Variants in BOC observed in about 807,000 individuals in gnomAD.
The protein encoded by BOC is brother of CDO.
A neutral mutation model predicts 112.0 loss-of-function variants in BOC; 76 were observed. The ratio of observed to expected loss-of-function variants is 0.68; its 90% CI spans 0.56 to 0.82. BOC has a LOEUF of 0.82. Ranked by LOEUF, BOC falls within the 40% of genes least tolerant of loss-of-function variation. BOC has a pLI of 0.00. For missense variants in BOC, 1,309 were observed against 1,511.7 expected (o/e 0.87, Z 2.22); for synonymous variants, 580 against 599.8 (o/e 0.97, Z 0.48).
At chr3:113,264,392 G>A (rs530393310) in intron 4 of BOC, among the ~76,000 whole-genome samples, 4 of 152,332 alleles carry the variant, frequency 2.6e-5, no homozygotes, top group East Asian at 1.9e-4. Context: ...CAGGTGTCCT[G>A]TCAAACCATT....
At chr3:113,258,239 C>G (rs1243205394) in intron 4 of BOC, among the ~76,000 whole-genome samples, 1 of 152,064 alleles carries the variant, frequency 6.6e-6, no homozygotes, top group Non-Finnish European at 1.5e-5. Flanking sequence ...GTATTCAGAC[C>G]TAGGCCCAGT....
At chr3:113,283,749 C>A in intron 16 of BOC, 117 bp downstream of exon 16, 1 of 982,436 alleles carries the variant, frequency 1.0e-6, no homozygotes. Flanking sequence ...CCCCAAAGGT[C>A]TCGGAGGTCA....
chr3:113,266,951 T>G (rs1947551156), intron 4 of BOC, among the ~76,000 whole-genome samples: 1 of 152,202 alleles, frequency 6.6e-6, no homozygotes, highest in Non-Finnish European at 1.5e-5. Context: ...TTTTTGGTCA[T>G]TATCTCTTGT....
intron 7 of BOC, 101 bp from the exon 8 acceptor site, chr3:113,272,968 C>A: frequency 7.0e-7 from 1 of 1,438,106 alleles, no homozygotes; most frequent in Non-Finnish European, 9.4e-7. Flanking sequence ...AAGCAACAGC[C>A]AAAGGGCAGG....
chr3:113,286,555 GT>G, intron 19 of BOC, 119 bp from the exon 20 acceptor site: 2 of 934,860 alleles, frequency 2.1e-6, no homozygotes, highest in East Asian at 5.4e-5. Context: ...GTAGGTTTCT[GT>G]CCCCTTTCCA....
chr3:113,274,551 C>T lies in BOC; in HGVS notation c.1411C>T (p.Pro471Ser), dbSNP rs753107900. ...QCPGEKGQGA[P>S]AEAPIILSSP... ...TCCAGGAGAGAAGGGGCAGGGGGCT[C>T]CCGCCGAGGCTCCCATCATCCTCAG... is the stretch of plus-strand genomic sequence containing the variant. The change falls in exon 9 of 20, where the codon CCC (proline) becomes TCC (serine). Residue 471 changes from proline (P) to serine (S), a missense_variant. Transcript: ENST00000682979. This position sits in a 1 kb window ranked among gnomAD's most constrained non-coding sequence, Gnocchi z 4.8. The T allele has an allele frequency of 3.6e-5, 58 of 1,613,328 alleles. No individual in the cohort carries two copies. The highest frequency in any genetic ancestry group is 4.7e-5 in the Non-Finnish European group (55 of 1,179,928).
chr3:113,282,420 C>T (rs1001731388), intron 15 of BOC, among the ~76,000 whole-genome samples: 24 of 152,072 alleles, frequency 1.6e-4, no homozygotes, highest in African/African-American at 5.6e-4. Flanking sequence ...TAAAAATAAA[C>T]TTCAAGGTTT....
Position 113,212,814 on chromosome 3 carries a change from G to A in BOC, c.-170+798G>A, listed in dbSNP as rs189242391. Reference sequence around the variant, plus strand: ...TTTGTTGATGTAACTGTGAGAAGGTGTGGGAAATGAATCTCTGGAACCAGT... The same window carrying A: ...TTTGTTGATGTAACTGTGAGAAGGTATGGGAAATGAATCTCTGGAACCAGT... On this transcript the variant is annotated intron_variant, in intron 1 of 19. Transcript: ENST00000682979. The A allele has an allele frequency of 2.7e-3, 419 of 152,544 alleles. 1 individual carries two copies. The highest frequency in any genetic ancestry group is 2.9e-3 in the Non-Finnish European group (201 of 68,176). The allele number at this position is 152,544 out of a possible 1,614,324, so 9.4% of individuals were successfully genotyped here.
At chr3:113,273,944 G>A (rs1415138369) in intron 8 of BOC, among the ~76,000 whole-genome samples, 2 of 152,158 alleles carry the variant, frequency 1.3e-5, no homozygotes, top group Admixed American at 6.5e-5. Flanking sequence ...ATTCCCAGTT[G>A]CGTTCATATC....
At chr3:113,251,282 C>A in intron 4 of BOC, 1 of 277,866 alleles carries the variant, frequency 3.6e-6, no homozygotes, top group Non-Finnish European at 6.8e-6. Flanking sequence ...ATGGGCAGGG[C>A]CACGTGTAGT....
intron 4 of BOC, among the ~76,000 whole-genome samples, chr3:113,255,678 T>C (rs1387316569): frequency 6.6e-6 from 1 of 152,124 alleles, no homozygotes; most frequent in East Asian, 1.9e-4. Flanking sequence ...TAAGGCCTCC[T>C]AGCGCCAAGG....
rs1403086058 is a variant in BOC, at chr3:113,284,414, CCCAGGCCA to C, written c.2745_2752del (p.His915GlnfsTer16). On this transcript the variant is annotated frameshift_variant, in exon 17 of 20. Transcript: ENST00000682979. LOFTEE classifies it high-confidence loss of function. ...ATACTATGGTGCCATTGGGAGGACT[CCCAGGCCA>C]CCAGGCCAGTGGACAGCCCTACCTC... 6.2e-7 allele frequency: 1 copy of C among 1,614,252 alleles called. No homozygotes were observed. The highest frequency in any genetic ancestry group is 1.7e-5 in the Admixed American group (1 of 60,032).
At chr3:113,260,747 A>G (rs910836709) in intron 4 of BOC, among the ~76,000 whole-genome samples, 1 of 151,774 alleles carries the variant, frequency 6.6e-6, no homozygotes, top group Non-Finnish European at 1.5e-5. Flanking sequence ...AGAACAGAAC[A>G]GAACAGGTTT....
chr3:113,236,462 A>G (rs1390653861), intron 2 of BOC, among the ~76,000 whole-genome samples: 3 of 142,574 alleles, frequency 2.1e-5, no homozygotes, highest in Non-Finnish European at 3.0e-5. Flanking sequence ...GGAGCTAAAT[A>G]ATGTGTACAC....
chr3:113,284,811 G>C lies in BOC; in HGVS notation c.2919G>C (p.Gln973His), dbSNP rs374883716. Reference sequence around the variant, plus strand: ...GTGACACCAGCAGCCTGCTGAGGCAGACCCATCTTGGCAATGGATATGACC... The same window carrying C: ...GTGACACCAGCAGCCTGCTGAGGCACACCCATCTTGGCAATGGATATGACC... ...QQSDTSSLLR[Q>H]THLGNGYDPQ... The change falls in exon 18 of 20, where the codon CAG becomes CAC. Residue 973 changes from glutamine to histidine, a missense_variant. By Grantham distance (24) the Gln-to-His change is conservative (BLOSUM62 0). Coordinates refer to ENST00000682979, the MANE Select transcript of BOC (RefSeq NM_001378074.1). 3.9e-5 allele frequency: 63 copies of C among 1,614,082 alleles called. No individual in the cohort carries two copies. Among genetic ancestry groups the C allele is most frequent in the Non-Finnish European group, 5.2e-5 (61 of 1,180,044 alleles).
intron 2 of BOC, among the ~76,000 whole-genome samples, chr3:113,228,160 G>A (rs1941980204): frequency 6.6e-6 from 1 of 152,218 alleles, no homozygotes; most frequent in Admixed American, 6.5e-5. Context: ...TGTTCAATAA[G>A]CATTATTGAC....
chr3:113,242,538 C>G (rs147800209), intron 2 of BOC, among the ~76,000 whole-genome samples: 3 of 151,892 alleles, frequency 2.0e-5, no homozygotes, highest in Admixed American at 2.0e-4. Context: ...GGTTCCTCCC[C>G]GAGGAAAGAT....
chr3:113,248,409 G>A (rs1358340390), intron 2 of BOC, among the ~76,000 whole-genome samples: 1 of 152,166 alleles, frequency 6.6e-6, no homozygotes, highest in African/African-American at 2.4e-5. Context: ...GTAAATCTTC[G>A]AGAGAGTCTC....
At chr3:113,217,407 A>G (rs1045229651) in intron 2 of BOC, among the ~76,000 whole-genome samples, 1 of 152,182 alleles carries the variant, frequency 6.6e-6, no homozygotes, top group Non-Finnish European at 1.5e-5. Flanking sequence ...TGCGCCTGTA[A>G]TCCCAGCTCC....
Sources: gnomAD v4.1 joint callset for allele counts (sites outside exome capture counted in the v4.1 genomes callset) on GRCh38, gnomAD v4.1.1 for gene constraint, Gnocchi (gnomAD v3.1) non-coding constraint, MANE v1.5 for transcripts, NCBI Gene and HGNC (gene_info 2026-07-23, HGNC 2026-07-21) for gene names.